The following KALRN variants were observed in gnomAD, a reference collection of about 807,000 sequenced individuals.
KALRN encodes kalirin RhoGEF kinase.
Under a neutral mutation model 353.7 loss-of-function variants are expected in KALRN, and 70 were observed. That is an observed-to-expected ratio of 0.20 (90% confidence interval 0.16 to 0.24). The LOEUF (loss-of-function observed/expected upper bound fraction) is 0.24. Among genes scored for constraint, KALRN ranks in the 10% least tolerant of loss-of-function variants. The pLI is 1.00. For missense variants in KALRN, 2,791 were observed against 3,756.7 expected (o/e 0.74, Z 6.72); for synonymous variants, 1,391 against 1,434.8 (o/e 0.97, Z 0.69).
At chr3:124,292,477 G>A (rs1468253311) in intron 5 of KALRN, among the ~76,000 whole-genome samples, 2 of 152,188 alleles carry the variant, frequency 1.3e-5, no homozygotes, top group Non-Finnish European at 2.9e-5. Flanking sequence ...AGCAAGCCAA[G>A]AGGAAGTAAG....
intron 8 of KALRN, among the ~76,000 whole-genome samples, chr3:124,332,305 AGGAGGGGTGAGG>A (rs777437371): frequency 9.9e-4 from 150 of 152,168 alleles, no homozygotes; most frequent in Non-Finnish European, 1.6e-3. Context: ...CAGGGACCAA[AGGAGGGGTGAGG>A]GGAGGATGCA....
intron 1 of KALRN, among the ~76,000 whole-genome samples, chr3:124,050,036 C>T (rs1178655542): frequency 6.6e-6 from 1 of 152,072 alleles, no homozygotes. Context: ...AGAGTGGGGT[C>T]TGGGTGCATA....
intron 34 of KALRN, among the ~76,000 whole-genome samples, chr3:124,570,781 T>C (rs2073428928): frequency 6.6e-6 from 1 of 152,208 alleles, no homozygotes; most frequent in Admixed American, 6.5e-5. Flanking sequence ...AAACCGGTTC[T>C]TGAATAGATT....
intron 1 of KALRN, among the ~76,000 whole-genome samples, chr3:124,105,875 A>G (rs1030274839): frequency 6.6e-6 from 1 of 152,212 alleles, no homozygotes; most frequent in Non-Finnish European, 1.5e-5. Context: ...AGGCTGGGGT[A>G]AGGGACCAGT....
At chr3:124,051,985 A>G (rs892461465) in intron 1 of KALRN, among the ~76,000 whole-genome samples, 5 of 152,186 alleles carry the variant, frequency 3.3e-5, no homozygotes, top group Non-Finnish European at 7.4e-5. Context: ...AAGGTCTCTA[A>G]TGCGTCTTCC....
chr3:124,386,317 G>A (rs1169991117), intron 11 of KALRN, among the ~76,000 whole-genome samples: 1 of 152,154 alleles, frequency 6.6e-6, no homozygotes, highest in South Asian at 2.1e-4. Flanking sequence ...CCAAAGCCAT[G>A]TGTATTCCCT....
At chr3:124,145,213 G>A (rs908023048) in intron 1 of KALRN, among the ~76,000 whole-genome samples, 1 of 152,140 alleles carries the variant, frequency 6.6e-6, no homozygotes, top group East Asian at 1.9e-4. Flanking sequence ...TCCCTTTATC[G>A]ATCTACTGAT....
chr3:124,188,681 A>T (rs1029994184), intron 1 of KALRN, among the ~76,000 whole-genome samples: 7 of 152,180 alleles, frequency 4.6e-5, no homozygotes, highest in Non-Finnish European at 7.3e-5. Context: ...GATGTCAAGA[A>T]CTGTAAAGTG....
intron 1 of KALRN, among the ~76,000 whole-genome samples, chr3:124,224,411 T>C (rs1164406979): frequency 6.6e-6 from 1 of 152,052 alleles, no homozygotes; most frequent in Non-Finnish European, 1.5e-5. Flanking sequence ...TCTCATAATG[T>C]TTTAAGAAAG....
At chr3:124,518,350 T>G in intron 33 of KALRN, 1 of 1,536,002 alleles carries the variant, frequency 6.5e-7, no homozygotes, top group South Asian at 1.1e-5. Context: ...CTCATGCAGA[T>G]TTTTGCAAAG....
At chr3:124,644,826 C>G (rs1355030075) in intron 37 of KALRN, among the ~76,000 whole-genome samples, 2 of 152,110 alleles carry the variant, frequency 1.3e-5, no homozygotes, top group Non-Finnish European at 2.9e-5. Context: ...ATTTGTAATC[C>G]TTTGGGTATA....
At chr3:124,544,581 G>C (rs1205443521) in intron 33 of KALRN, among the ~76,000 whole-genome samples, 1 of 151,514 alleles carries the variant, frequency 6.6e-6, no homozygotes, top group Non-Finnish European at 1.5e-5. Context: ...TATCTATATC[G>C]ATACATCTAT....
chr3:124,449,782 A>T (rs955217916), intron 21 of KALRN, among the ~76,000 whole-genome samples: 8 of 152,204 alleles, frequency 5.3e-5, no homozygotes, highest in Admixed American at 6.5e-5. Context: ...TTTCATATAA[A>T]TGGAATCATA....
chr3:124,566,093 T>C (rs989760162), intron 34 of KALRN, among the ~76,000 whole-genome samples: 6 of 152,176 alleles, frequency 3.9e-5, no homozygotes, highest in African/African-American at 1.4e-4. Context: ...TTGGTTCCTG[T>C]TTCCCCAAGC....
At chr3:124,689,931 G>C (rs1267483427) in intron 51 of KALRN, among the ~76,000 whole-genome samples, 4 of 152,182 alleles carry the variant, frequency 2.6e-5, no homozygotes, top group Non-Finnish European at 4.4e-5. Flanking sequence ...GAGACTTAGA[G>C]GTACCTACAG....
rs192253644 is a variant in KALRN at position 124,513,407 on chromosome 3, C to T, written c.4935+16994C>T. 2.0e-5 allele frequency among the ~76,000 whole-genome samples: 3 copies of T among 152,180 alleles called. No homozygotes were observed. In the East Asian group the frequency reaches 5.8e-4, roughly 29 times the overall value. ...GGGAGGGGTTCCCAGAGTGACTCAGCATGGGGACACGGGGACCCAGGTCAG... is the reference window on the plus strand; with the variant it reads ...GGGAGGGGTTCCCAGAGTGACTCAGTATGGGGACACGGGGACCCAGGTCAG... On this transcript the variant is annotated intron_variant, in intron 33 of 59. Transcript: ENST00000682506.
rs1361173701 is a variant in KALRN, at chr3:124,720,294, C to G, written c.*824C>G. On this transcript the variant is annotated 3_prime_UTR_variant, in exon 60 of 60. Coordinates refer to ENST00000682506, the MANE Select transcript of KALRN (RefSeq NM_001388419.1). Reference sequence around the variant, plus strand: ...GCTCAGAATTATTCTGGAAAGAAAGCCTGCCAGGAAATAAATTCAAATACA... The same window carrying G: ...GCTCAGAATTATTCTGGAAAGAAAGGCTGCCAGGAAATAAATTCAAATACA... 6.6e-6 allele frequency: 1 copy of G among 152,568 alleles called. No individual in the cohort carries two copies. Among genetic ancestry groups the G allele is most frequent in the Non-Finnish European group, 1.5e-5 (1 of 68,034 alleles). The allele number at this position is 152,568 out of a possible 1,614,324, so 9.5% of individuals were successfully genotyped here. A position where few individuals can be genotyped will look rare whatever the true frequency, so the allele number is the denominator to read the frequency against.
Position 124,628,742 on chromosome 3 carries a change from A to ATTT in KALRN, c.5183-3652_5183-3650dup, listed in dbSNP as rs58523719. 3.2e-3 allele frequency among the ~76,000 whole-genome samples: 319 copies of ATTT among 100,124 alleles called. 24 individuals carry two copies. Among genetic ancestry groups the ATTT allele is most frequent in the African/African-American group, 6.0e-3 (130 of 21,492 alleles). 65.7% of individuals were successfully genotyped at this position (100,124 alleles called of 152,430 possible). On this transcript the variant is annotated intron_variant, in intron 34 of 59. Transcript: ENST00000682506. The stretch of plus-strand genomic sequence containing the variant: ...AGTCATGTGCCACCACACCTGGCTA[A>ATTT]TTTTTTTTTTTTTTTTTTTTTTTTT...
chr3:124,474,589 G>A (rs2061266626), intron 25 of KALRN, 74 bp from the exon 26 acceptor site: 3 of 1,131,226 alleles, frequency 2.7e-6, no homozygotes, highest in East Asian at 2.4e-5. Flanking sequence ...TTATGGTTGT[G>A]CTGGCCTCAG....
Sources: gnomAD v4.1 joint callset for allele counts (sites outside exome capture counted in the v4.1 genomes callset) on GRCh38, gnomAD v4.1.1 for gene constraint, MANE v1.5 for transcripts, NCBI Gene and HGNC (gene_info 2026-07-23, HGNC 2026-07-21) for gene names.